The following JARID2 variants were observed in gnomAD, a reference collection of about 807,000 sequenced individuals.
JARID2 encodes protein Jumonji.
A neutral mutation model predicts 125.6 loss-of-function variants in JARID2; 21 were observed. The observed-to-expected ratio is 0.17, with a 90% CI of 0.12 to 0.24. The LOEUF (loss-of-function observed/expected upper bound fraction) is 0.24. Ranked by LOEUF, JARID2 falls within the 10% of genes least tolerant of loss-of-function variation. JARID2 has a pLI of 1.00. For missense variants in JARID2, 1,303 were observed against 1,639.6 expected (o/e 0.79, Z 3.55); for synonymous variants, 736 against 661.6 (o/e 1.11, Z -1.73).
intron 1 of JARID2, among the ~76,000 whole-genome samples, chr6:15,284,899 C>T (rs1385328173): frequency 6.6e-6 from 1 of 152,102 alleles, no homozygotes; most frequent in Non-Finnish European, 1.5e-5. Context: ...GGAGCTTGCC[C>T]TTCAACAAAC....
chr6:15,487,058 A>G (rs772515686), intron 5 of JARID2, among the ~76,000 whole-genome samples: 10 of 152,126 alleles, frequency 6.6e-5, no homozygotes, highest in Admixed American at 2.0e-4. Flanking sequence ...GCAGCAGGAA[A>G]GGTAGAGCGT....
intron 3 of JARID2, among the ~76,000 whole-genome samples, chr6:15,417,482 AACCCC>A (rs1766283416): frequency 6.6e-6 from 1 of 152,240 alleles, no homozygotes; most frequent in East Asian, 1.9e-4. Context: ...TCACACCTAT[AACCCC>A]AGCACTTTGG....
chr6:15,253,117 G>A (rs1435409884), intron 1 of JARID2, among the ~76,000 whole-genome samples: 4 of 151,640 alleles, frequency 2.6e-5, no homozygotes, highest in African/African-American at 9.7e-5. Context: ...AGGCTGGAGT[G>A]CAGTGGCGTG....
In JARID2 at chr6:15,468,614, A is replaced by C; in HGVS notation, c.566A>C (p.Asp189Ala). The C allele has an allele frequency of 6.2e-6, 10 of 1,614,170 alleles. No homozygotes were observed. The highest frequency in any genetic ancestry group is 8.5e-6 in the Non-Finnish European group (10 of 1,180,012). Residue 189 changes from aspartate to alanine, a missense_variant, in exon 5 of 18, where the codon GAT (aspartate) becomes GCT (alanine). Transcript: ENST00000341776. ...SQDEEEVEEEDDETEDVKTAT... is the reference protein window; with the variant it reads ...SQDEEEVEEEADETEDVKTAT... ...GATGAGGAGGAAGTCGAGGAGGAAG[A>C]TGATGAGACAGAAGACGTCAAAACA...
At chr6:15,281,067 C>T (rs1760731442) in intron 1 of JARID2, among the ~76,000 whole-genome samples, 1 of 152,154 alleles carries the variant, frequency 6.6e-6, no homozygotes, top group Admixed American at 6.5e-5. Flanking sequence ...AGTTTTCATG[C>T]ATTAGCTGGT....
intron 1 of JARID2, among the ~76,000 whole-genome samples, chr6:15,261,078 A>T (rs1331543398): frequency 6.6e-6 from 1 of 152,230 alleles, no homozygotes; most frequent in Non-Finnish European, 1.5e-5. Flanking sequence ...AAGGAAGGCC[A>T]TTATCTTTGA....
At chr6:15,423,732 G>A (rs944713494) in intron 3 of JARID2, among the ~76,000 whole-genome samples, 4 of 152,180 alleles carry the variant, frequency 2.6e-5, no homozygotes, top group African/African-American at 4.8e-5. Flanking sequence ...CTGTTTGCAG[G>A]ATGCTGGAGA....
chr6:15,383,622 G>A (rs1216557699), intron 2 of JARID2, among the ~76,000 whole-genome samples: 2 of 151,880 alleles, frequency 1.3e-5, no homozygotes, highest in Non-Finnish European at 2.9e-5. Flanking sequence ...ATATCCCCCA[G>A]CCTTCCTTTG....
At chr6:15,333,361 T>A (rs1455697346) in intron 1 of JARID2, among the ~76,000 whole-genome samples, 5 of 152,222 alleles carry the variant, frequency 3.3e-5, no homozygotes, top group African/African-American at 1.2e-4. Flanking sequence ...GATCAGCAGT[T>A]ATTATTTCTT....
chr6:15,511,442 A>T (rs372311769), intron 13 of JARID2, 41 bp downstream of exon 13: 1 of 1,327,402 alleles, frequency 7.5e-7, no homozygotes, highest in African/African-American at 1.4e-5. Flanking sequence ...GAGCTGTAGG[A>T]CCTCCTAGGC....
chr6:15,296,374 G>C (rs1208674074), intron 1 of JARID2, among the ~76,000 whole-genome samples: 1 of 152,050 alleles, frequency 6.6e-6, no homozygotes, highest in Non-Finnish European at 1.5e-5. Flanking sequence ...AGCTCCTGGT[G>C]GCATTTATCT....
At chr6:15,270,164 C>T (rs1414681501) in intron 1 of JARID2, among the ~76,000 whole-genome samples, 3 of 152,066 alleles carry the variant, frequency 2.0e-5, no homozygotes, top group Non-Finnish European at 2.9e-5. Context: ...TGGACTTTCA[C>T]TCATGTTGCC....
At chr6:15,478,121 G>C (rs1259794267) in intron 5 of JARID2, among the ~76,000 whole-genome samples, 1 of 152,212 alleles carries the variant, frequency 6.6e-6, no homozygotes, top group Non-Finnish European at 1.5e-5. Context: ...CTTCGGGATA[G>C]TTGGCCCATG....
intron 1 of JARID2, among the ~76,000 whole-genome samples, chr6:15,310,124 G>A (rs1761965681): frequency 6.6e-6 from 1 of 152,126 alleles, no homozygotes; most frequent in African/African-American, 2.4e-5. Context: ...GGTGTCTCTG[G>A]TGAAACAGAT....
chr6:15,472,947 G>C (rs1033377390), intron 5 of JARID2, among the ~76,000 whole-genome samples: 7 of 152,208 alleles, frequency 4.6e-5, no homozygotes, highest in Admixed American at 2.6e-4. Context: ...AACCTGGTCA[G>C]AAAAATTCCA....
rs1771115074 is a variant in JARID2 at position 15,508,509 on chromosome 6, A to G, written c.2846+55A>G. The G allele has an allele frequency of 7.5e-6, 7 of 930,958 alleles. No individual in the cohort carries two copies. The South Asian group carries it at 9.1e-5, about 12-fold the overall frequency. The allele number at this position is 930,958 out of a possible 1,614,324, so 57.7% of individuals were successfully genotyped here. On this transcript the variant is annotated intron_variant, in intron 12 of 17. Transcript: ENST00000341776. Reference sequence around the variant, plus strand: ...GGACTGCAGAAACTACTATTACCACATGAAGTGGGGCCTGTGGGTAACTTC... The same window carrying G: ...GGACTGCAGAAACTACTATTACCACGTGAAGTGGGGCCTGTGGGTAACTTC...
chr6:15,251,372 C>G (rs1457576273), intron 1 of JARID2, among the ~76,000 whole-genome samples: 1 of 152,196 alleles, frequency 6.6e-6, no homozygotes, highest in Non-Finnish European at 1.5e-5. Context: ...TGAGGACTCA[C>G]ACTCCTGACA....
chr6:15,465,387 GC>G (rs1185927345), intron 4 of JARID2, among the ~76,000 whole-genome samples: 7 of 152,208 alleles, frequency 4.6e-5, no homozygotes, highest in Admixed American at 2.6e-4. Context: ...GGAGGTCGAG[GC>G]TGTAGTGAGT....
intron 7 of JARID2, among the ~76,000 whole-genome samples, chr6:15,498,579 A>T (rs1770576859): frequency 6.6e-6 from 1 of 152,122 alleles, no homozygotes; most frequent in Non-Finnish European, 1.5e-5. Context: ...CATTTTGGAG[A>T]TCCTCAATTT....
Sources: allele counts gnomAD v4.1 joint callset (sites outside exome capture counted in the v4.1 genomes callset), GRCh38; gene constraint gnomAD v4.1.1; transcripts MANE v1.5; gene names NCBI Gene and HGNC (gene_info 2026-07-23, HGNC 2026-07-21).